Variants in ADGRV1 observed in about 807,000 individuals in gnomAD.
ADGRV1 encodes the protein G-protein coupled receptor 98.
Under a neutral mutation model 596.2 loss-of-function variants are expected in ADGRV1, and 359 were observed. The ratio of observed to expected loss-of-function variants is 0.60; its 90% confidence interval spans 0.55 to 0.66. ADGRV1 has a LOEUF of 0.66. Among genes scored for constraint, ADGRV1 ranks in the 30% least tolerant of loss-of-function variants. The pLI, the probability that ADGRV1 is intolerant of heterozygous loss-of-function variation, is 0.00. For missense variants in ADGRV1, 7,274 were observed against 7,575.6 expected (o/e 0.96, Z 1.48); for synonymous variants, 2,681 against 2,679.2 (o/e 1.00, Z -0.02).
At position 90,791,172 on chromosome 5, in the gene ADGRV1, A is replaced by T; in HGVS notation, c.14343A>T (p.Arg4781Ser). The change falls in exon 70 of 90, where the codon AGA becomes AGT. Residue 4781 changes from arginine to serine, a missense_variant. Coordinates refer to ENST00000405460, the MANE Select transcript of ADGRV1 (RefSeq NM_032119.4). ...QSILIGQNLI[R>S]SIQINITRLA... ...TACTTATTGGGCAGAACCTTATTAG[A>T]TCCATCCAAATTAACATAACCCGGC... The T allele has an allele frequency of 1.2e-6, 2 of 1,613,956 alleles. No homozygotes were observed. Among genetic ancestry groups the T allele is most frequent in the Non-Finnish European group, 1.7e-6 (2 of 1,179,896 alleles).
intron 11 of ADGRV1, among the ~76,000 whole-genome samples, chr5:90,638,785 A>G (rs940899251): frequency 6.6e-6 from 1 of 152,196 alleles, no homozygotes; most frequent in Non-Finnish European, 1.5e-5. Context: ...CTAAAGTAGT[A>G]AGTTATTTTA....
chr5:90,752,133 A>G (rs73177409), intron 53 of ADGRV1, among the ~76,000 whole-genome samples: 1,835 of 152,296 alleles, frequency 0.012, 16 homozygotes, highest in Middle Eastern at 0.061. Context: ...GAATTGTGCT[A>G]GGCAATATAA....
chr5:91,102,205 T>C lies in ADGRV1; in HGVS notation c.18311-14T>C. On this transcript the variant is annotated splice_polypyrimidine_tract_variant and intron_variant, in intron 86 of 89. Transcript: ENST00000405460. Reference sequence around the variant, plus strand: ...TATTCTGAAGCTCAAAAATTCTTTTTTTTTTATTTCTAGAAATTCCACTGA... The same window carrying C: ...TATTCTGAAGCTCAAAAATTCTTTTCTTTTTATTTCTAGAAATTCCACTGA... 6.3e-7 allele frequency: 1 copy of C among 1,598,510 alleles called. No individual in the cohort carries two copies. The highest frequency in any genetic ancestry group is 8.5e-7 in the Non-Finnish European group (1 of 1,172,162).
intron 85 of ADGRV1, among the ~76,000 whole-genome samples, chr5:91,028,808 G>A (rs1042742723): frequency 7.5e-6 from 1 of 133,050 alleles, no homozygotes; most frequent in Non-Finnish European, 1.5e-5. Flanking sequence ...GTGCAATCAT[G>A]TCTCAGTGCA....
chr5:90,766,770 GTTTC>G (rs1413572635), intron 59 of ADGRV1, among the ~76,000 whole-genome samples: 4 of 152,126 alleles, frequency 2.6e-5, no homozygotes, highest in Non-Finnish European at 4.4e-5. Context: ...TTACAGATCT[GTTTC>G]TTTATGTCTT....
Position 90,784,042 on chromosome 5 carries a change from C to G in ADGRV1, c.13638C>G (p.Leu4546=), listed in dbSNP as rs1193829197. Reference sequence around the variant, plus strand: ...TGGTGCTGGAGCGGACTGGAGGACTCTTGGGAGAGATTCAGGTAGATTTAT... The same window carrying G: ...TGGTGCTGGAGCGGACTGGAGGACTGTTGGGAGAGATTCAGGTAGATTTAT... ...LSLVLERTGG[L]LGEIQVNWET... The change falls in exon 67 of 90, where the codon CTC becomes CTG. Residue 4546 remains leucine (L), a synonymous_variant. Coordinates refer to ENST00000405460, the MANE Select transcript of ADGRV1 (RefSeq NM_032119.4). 1.9e-6 allele frequency: 3 copies of G among 1,609,100 alleles called. No homozygotes were observed. The African/African-American group carries it at 4.0e-5, about 22-fold the overall frequency.
chr5:90,748,288 G>T (rs933805698), intron 52 of ADGRV1, among the ~76,000 whole-genome samples: 3 of 152,072 alleles, frequency 2.0e-5, no homozygotes, highest in Admixed American at 6.6e-5. Context: ...TGCCCAATAG[G>T]GATATAATGT....
intron 83 of ADGRV1, among the ~76,000 whole-genome samples, chr5:90,876,506 G>A (rs6861495): frequency 0.017 from 2,542 of 152,204 alleles, 72 homozygotes; most frequent in African/African-American, 0.058. Context: ...TGAATTGCCA[G>A]TGTTTTACCA....
chr5:90,725,632 A>G lies in ADGRV1; in HGVS notation c.10137A>G (p.Gln3379=), dbSNP rs745829388. The G allele has an allele frequency of 4.5e-6, 7 of 1,566,334 alleles. No individual in the cohort carries two copies. In the South Asian group the frequency reaches 8.0e-5, roughly 18 times the overall value. The change falls in exon 48 of 90, where the codon CAA becomes CAG. Residue 3379 remains glutamine (Q), a synonymous_variant. Coordinates refer to ENST00000405460, the MANE Select transcript of ADGRV1 (RefSeq NM_032119.4). ...DSQDYLIIAS[Q]RDDSELTQVF... is the part of the protein sequence containing the mutation. ...AAGATTATTTAATCATTGCAAGTCA[A>G]AGAGATGATTCCGAATTAACTCAGG...
At chr5:90,805,533 TA>T in intron 72 of ADGRV1, 75 bp downstream of exon 72, 14 of 1,264,834 alleles carry the variant, frequency 1.1e-5, no homozygotes, top group Non-Finnish European at 1.5e-5. Context: ...TGTCTTGGGT[TA>T]TCCTTATTCT....
At chr5:91,048,547 A>G (rs1049017520) in intron 85 of ADGRV1, among the ~76,000 whole-genome samples, 2 of 152,198 alleles carry the variant, frequency 1.3e-5, no homozygotes, top group Non-Finnish European at 2.9e-5. Flanking sequence ...TTACTTCTAC[A>G]TAGCACAATT....
chr5:90,619,491 A>G (rs1279459261), intron 4 of ADGRV1, among the ~76,000 whole-genome samples: 1 of 151,970 alleles, frequency 6.6e-6, no homozygotes, highest in African/African-American at 2.4e-5. Flanking sequence ...CCTTTTCCTG[A>G]TTTCCCCAAA....
chr5:90,947,518 T>G (rs932049764), intron 83 of ADGRV1, among the ~76,000 whole-genome samples: 142 of 152,284 alleles, frequency 9.3e-4, no homozygotes, highest in African/African-American at 3.2e-3. Context: ...ATGAGTGGAT[T>G]ATTTTAAATG....
At chr5:91,072,665 C>A in intron 86 of ADGRV1, 61 bp downstream of exon 86, 1 of 1,535,142 alleles carries the variant, frequency 6.5e-7, no homozygotes, top group Non-Finnish European at 8.9e-7. Context: ...GGGAAAATGT[C>A]ACTGAATTTT....
chr5:90,969,709 G>A (rs1055836843), intron 84 of ADGRV1, among the ~76,000 whole-genome samples: 1 of 152,156 alleles, frequency 6.6e-6, no homozygotes, highest in Non-Finnish European at 1.5e-5. Context: ...TGAAACTATT[G>A]AAATCATTTC....
chr5:91,011,790 C>T (rs555415669), intron 85 of ADGRV1, among the ~76,000 whole-genome samples: 7 of 151,724 alleles, frequency 4.6e-5, no homozygotes, highest in African/African-American at 1.2e-4. Flanking sequence ...GAAATGGTTT[C>T]GTGGTTAATA....
At chr5:91,116,835 A>G (rs1400656347) in intron 87 of ADGRV1, among the ~76,000 whole-genome samples, 1 of 152,180 alleles carries the variant, frequency 6.6e-6, no homozygotes, top group Non-Finnish European at 1.5e-5. Flanking sequence ...AAAGGGGGCC[A>G]CTACCCTAGG....
intron 84 of ADGRV1, among the ~76,000 whole-genome samples, chr5:90,984,417 A>C (rs934990400): frequency 2.6e-5 from 4 of 152,166 alleles, no homozygotes; most frequent in Non-Finnish European, 4.4e-5. Context: ...GATCCAAGTT[A>C]GGTGTGGGAT....
intron 87 of ADGRV1, among the ~76,000 whole-genome samples, chr5:91,127,792 G>A (rs1386284011): frequency 2.6e-5 from 4 of 152,066 alleles, no homozygotes; most frequent in Admixed American, 1.3e-4. Context: ...ATACAAATTT[G>A]GGATGTTTTC....
Sources: gnomAD v4.1 joint callset for allele counts (sites outside exome capture counted in the v4.1 genomes callset) on GRCh38, gnomAD v4.1.1 for gene constraint, MANE v1.5 for transcripts, NCBI Gene and HGNC (gene_info 2026-07-23, HGNC 2026-07-21) for gene names.